The following GLI3 variants were observed in gnomAD, a reference collection of about 807,000 sequenced individuals.
The protein encoded by GLI3 is GLI family zinc finger 3.
Under a neutral mutation model 100.8 loss-of-function variants are expected in GLI3, and 20 were observed. The observed-to-expected ratio is 0.20, with a 90% CI of 0.14 to 0.29. The LOEUF (loss-of-function observed/expected upper bound fraction) is 0.29, where lower values mean the gene tolerates loss of function less well. Among genes scored for constraint, GLI3 ranks in the 10% least tolerant of loss-of-function variants. The probability of loss-of-function intolerance (pLI) is 1.00; values close to 1 mark genes in which losing one functional copy is unlikely to be tolerated. For synonymous variants in GLI3, 938 were observed against 860.5 expected (o/e 1.09, Z -1.58); for missense variants, 2,040 against 2,128.5 (o/e 0.96, Z 0.82).
At chr7:42,134,285 T>G (rs925379968) in intron 3 of GLI3, among the ~76,000 whole-genome samples, 2 of 152,034 alleles carry the variant, frequency 1.3e-5, no homozygotes, top group Non-Finnish European at 2.9e-5. Flanking sequence ...ATGCGAAATA[T>G]TAACTTCAAA....
intron 3 of GLI3, among the ~76,000 whole-genome samples, chr7:42,081,398 C>T (rs1439508080): frequency 4.6e-5 from 7 of 152,142 alleles, no homozygotes; most frequent in African/African-American, 1.7e-4. Context: ...TGCACTCTCC[C>T]AGGCTTGAGT....
intron 3 of GLI3, among the ~76,000 whole-genome samples, chr7:42,077,104 C>G (rs1350612105): frequency 1.3e-5 from 2 of 152,142 alleles, no homozygotes; most frequent in East Asian, 3.9e-4. Flanking sequence ...AACCCAGACA[C>G]GAAAGCAAGA....
intron 3 of GLI3, among the ~76,000 whole-genome samples, chr7:42,132,719 C>T (rs529608205): frequency 6.6e-6 from 1 of 152,188 alleles, no homozygotes; most frequent in Admixed American, 6.5e-5. Context: ...GGCTTACAGC[C>T]TCACAATTGT....
chr7:42,113,329 G>T, intron 3 of GLI3: 2 of 626,680 alleles, frequency 3.2e-6, no homozygotes, highest in South Asian at 1.5e-5. Flanking sequence ...CACATCCTGT[G>T]CCCAGCACCT....
chr7:42,230,101 G>A (rs58946834), intron 1 of GLI3, among the ~76,000 whole-genome samples: 2 of 41,582 alleles, frequency 4.8e-5, no homozygotes, highest in African/African-American at 5.7e-5. Context: ...GGTTGGGCGG[G>A]GGGGGGGGGG....
At chr7:42,011,809 G>A (rs181343369) in intron 10 of GLI3, among the ~76,000 whole-genome samples, 2 of 152,256 alleles carry the variant, frequency 1.3e-5, no homozygotes, top group African/African-American at 4.8e-5. Context: ...TGCCTTGTGG[G>A]GTGATCAAAA....
intron 10 of GLI3, among the ~76,000 whole-genome samples, chr7:42,017,446 G>A (rs1361001743): frequency 1.3e-5 from 2 of 152,076 alleles, no homozygotes; most frequent in Non-Finnish European, 2.9e-5. Flanking sequence ...AACTCCACCT[G>A]GGGGCAGTCA....
intron 2 of GLI3, among the ~76,000 whole-genome samples, chr7:42,217,216 C>G (rs1788395827): frequency 6.6e-6 from 1 of 152,044 alleles, no homozygotes; most frequent in South Asian, 2.1e-4. Flanking sequence ...CTAACAGGAC[C>G]TCAAAACCGG....
chr7:42,016,434 T>C (rs776980836), intron 10 of GLI3, among the ~76,000 whole-genome samples: 1 of 152,220 alleles, frequency 6.6e-6, no homozygotes, highest in Admixed American at 6.5e-5. Context: ...ATACGTGACA[T>C]GCATGGACAC....
intron 1 of GLI3, among the ~76,000 whole-genome samples, chr7:42,234,364 G>A (rs113982510): frequency 2.6e-5 from 4 of 152,218 alleles, no homozygotes; most frequent in African/African-American, 9.6e-5. Flanking sequence ...CACAGAGGAA[G>A]TCTGAAATGC....
chr7:42,157,377 T>C (rs967641100), intron 2 of GLI3, among the ~76,000 whole-genome samples: 1 of 152,182 alleles, frequency 6.6e-6, no homozygotes, highest in Non-Finnish European at 1.5e-5. Flanking sequence ...GTACTGCCTA[T>C]GAGGGAGGAG....
rs1040580488 is a variant in GLI3, at chr7:41,972,958, T to C, written c.1813-331A>G. ...GCCATAATAGGCACTCAATAGATAT[T>C]TGATGATGATGATGATGATGATGAC... On this transcript the variant is annotated intron_variant, in intron 12 of 14. Transcript: ENST00000395925. The surrounding 1 kb of genome is among the most constrained non-coding windows in gnomAD (Gnocchi z 4.4). Among the ~76,000 whole-genome samples, 2 of 151,796 alleles carry C rather than the reference T, an allele frequency of 1.3e-5. No homozygotes were observed. Among genetic ancestry groups the C allele is most frequent in the African/African-American group, 4.8e-5 (2 of 41,278 alleles).
intron 3 of GLI3, among the ~76,000 whole-genome samples, chr7:42,120,269 A>C (rs926691901): frequency 6.6e-6 from 1 of 152,210 alleles, no homozygotes; most frequent in Non-Finnish European, 1.5e-5. Flanking sequence ...TAATCGAGAA[A>C]TCTGCCCGAA....
intron 10 of GLI3, among the ~76,000 whole-genome samples, chr7:42,015,671 G>A (rs1487401819): frequency 6.6e-6 from 1 of 151,172 alleles, no homozygotes; most frequent in African/African-American, 2.4e-5. Context: ...GGGCCTTACT[G>A]AGAACTACTG....
chr7:42,006,204 C>G (rs770229618), intron 10 of GLI3, among the ~76,000 whole-genome samples: 1 of 152,214 alleles, frequency 6.6e-6, no homozygotes, highest in Non-Finnish European at 1.5e-5. Context: ...TGTCTGTTGT[C>G]TGCCAGACTT....
rs1788721694 is a variant in GLI3, at chr7:42,232,905, T to TA, written c.-43+4065dup. Among the ~76,000 whole-genome samples, 4 of 152,134 alleles carry TA rather than the reference T, an allele frequency of 2.6e-5. No homozygotes were observed. The South Asian group carries it at 8.3e-4, about 32-fold the overall frequency. ...ACAGAACAAAAAACACTTTCACATT[T>TA]AAAAAAACCAAAAGACACTCACAGA... On this transcript the variant is annotated intron_variant, in intron 1 of 14. Transcript: ENST00000395925.
intron 3 of GLI3, among the ~76,000 whole-genome samples, chr7:42,107,282 A>G (rs1785598839): frequency 6.6e-6 from 1 of 151,970 alleles, no homozygotes. Flanking sequence ...GTGAGCCGAG[A>G]TCACACCGCT....
At chr7:42,099,731 A>G (rs576426198) in intron 3 of GLI3, among the ~76,000 whole-genome samples, 54 of 152,174 alleles carry the variant, frequency 3.5e-4, no homozygotes, top group African/African-American at 1.3e-3. Flanking sequence ...GAGTCTTGCT[A>G]TGTTGCCCAG....
chr7:42,236,304 G>A (rs1788791685), intron 1 of GLI3, among the ~76,000 whole-genome samples: 1 of 152,142 alleles, frequency 6.6e-6, no homozygotes, highest in Non-Finnish European at 1.5e-5. Flanking sequence ...CATGGACCAC[G>A]GTTACTTTGT....
Sources: allele counts gnomAD v4.1 joint callset (sites outside exome capture counted in the v4.1 genomes callset), GRCh38; gene constraint gnomAD v4.1.1; non-coding constraint Gnocchi (gnomAD v3.1); transcripts MANE v1.5; gene names NCBI Gene and HGNC (gene_info 2026-07-23, HGNC 2026-07-21).